Variants in PGM5 observed in about 807,000 individuals in gnomAD.
PGM5 encodes the protein phosphoglucomutase 5.
PGM5 carries 23 observed loss-of-function variants against 59.2 expected under a neutral mutation model. That is an observed-to-expected ratio of 0.39 (90% CI 0.28 to 0.55). The LOEUF is 0.55. PGM5 is among the 20% of genes least tolerant of loss of function. PGM5 has a pLI of 0.66. For synonymous variants in PGM5, 214 were observed against 286.0 expected (o/e 0.75, Z 2.54); for missense variants, 574 against 748.3 (o/e 0.77, Z 2.72).
chr9:68,491,750 C>G (rs1554687888), intron 9 of PGM5, among the ~76,000 whole-genome samples: 1 of 152,074 alleles, frequency 6.6e-6, no homozygotes, highest in African/African-American at 2.4e-5. Context: ...GCCTGTAGTC[C>G]CAGCTACTTG....
intron 4 of PGM5, among the ~76,000 whole-genome samples, chr9:68,389,196 G>A (rs2933521): frequency 2.6e-5 from 4 of 151,766 alleles, no homozygotes; most frequent in Non-Finnish European, 5.9e-5. Flanking sequence ...TTGTAAAAAC[G>A]CATCCTAGTT....
At chr9:68,472,972 A>G (rs1196973115) in intron 7 of PGM5, among the ~76,000 whole-genome samples, 1 of 152,190 alleles carries the variant, frequency 6.6e-6, no homozygotes, top group Non-Finnish European at 1.5e-5. Context: ...CATTAGGTAC[A>G]TTTAAGAATA....
intron 6 of PGM5, among the ~76,000 whole-genome samples, chr9:68,441,314 C>G (rs1399521123): frequency 1.3e-5 from 2 of 151,778 alleles, no homozygotes; most frequent in Non-Finnish European, 2.9e-5. Flanking sequence ...TAAAACTAGA[C>G]AAAGATAGAA....
chr9:68,389,420 C>T (rs1330989237), intron 4 of PGM5, among the ~76,000 whole-genome samples: 1 of 152,054 alleles, frequency 6.6e-6, no homozygotes, highest in African/African-American at 2.4e-5. Context: ...TATCCCCAGC[C>T]CCTGGCAACC....
intron 10 of PGM5, among the ~76,000 whole-genome samples, chr9:68,528,439 A>G (rs1825023470): frequency 6.6e-6 from 1 of 152,074 alleles, no homozygotes; most frequent in East Asian, 1.9e-4. Context: ...GATGCGGTCT[A>G]TGTTGTTCAG....
chr9:68,511,509 A>G (rs1213125662), intron 10 of PGM5, among the ~76,000 whole-genome samples: 2 of 147,598 alleles, frequency 1.4e-5, no homozygotes, highest in Admixed American at 1.4e-4. Flanking sequence ...TAAATGTTCA[A>G]TAAATGTTGA....
intron 6 of PGM5, among the ~76,000 whole-genome samples, chr9:68,461,307 C>T (rs1265214521): frequency 2.0e-5 from 3 of 152,150 alleles, no homozygotes; most frequent in African/African-American, 7.2e-5. Flanking sequence ...GTTCCATTGG[C>T]TAGAACTTGA....
chr9:68,429,042 G>A (rs1233481142), intron 6 of PGM5: 1 of 152,104 alleles, frequency 6.6e-6, no homozygotes, highest in Non-Finnish European at 1.5e-5. Flanking sequence ...AAATGATCTT[G>A]GTTTGGAGTC....
chr9:68,466,457 T>C (rs1554685827), intron 7 of PGM5: 1 of 185,950 alleles, frequency 5.4e-6, no homozygotes, highest in East Asian at 1.6e-4. Context: ...TTGGTTCAGC[T>C]GATTGCTTTA....
intron 10 of PGM5, among the ~76,000 whole-genome samples, chr9:68,509,856 A>G (rs1355158036): frequency 1.3e-5 from 2 of 152,158 alleles, no homozygotes; most frequent in Non-Finnish European, 2.9e-5. Context: ...GGTCTGAGAA[A>G]GGAAGTGTTT....
At chr9:68,453,313 C>A (rs1554684538) in intron 6 of PGM5, among the ~76,000 whole-genome samples, 1 of 152,118 alleles carries the variant, frequency 6.6e-6, no homozygotes, top group African/African-American at 2.4e-5. Context: ...ATTCATCCAC[C>A]ATCGCTTAAT....
At chr9:68,474,670 C>T (rs1554686519) in intron 7 of PGM5, among the ~76,000 whole-genome samples, 1 of 151,672 alleles carries the variant, frequency 6.6e-6, no homozygotes, top group African/African-American at 2.4e-5. Context: ...GGCTGCTTCT[C>T]AGGGCTGCTC....
intron 6 of PGM5, among the ~76,000 whole-genome samples, chr9:68,411,845 T>C (rs1822940750): frequency 1.3e-5 from 2 of 151,850 alleles, no homozygotes; most frequent in Admixed American, 6.6e-5. Context: ...AGCTTTCTTC[T>C]CTTAGATTAT....
chr9:68,504,714 T>C (rs1245083426), intron 10 of PGM5, among the ~76,000 whole-genome samples: 12 of 152,054 alleles, frequency 7.9e-5, no homozygotes, highest in Admixed American at 2.6e-4. Context: ...ATCATATATA[T>C]ATATATTTAT....
intron 1 of PGM5, among the ~76,000 whole-genome samples, chr9:68,369,060 TA>T (rs1834735270): frequency 1.3e-5 from 2 of 152,254 alleles, no homozygotes; most frequent in African/African-American, 4.8e-5. Context: ...ATGGTACATT[TA>T]AACAATGGAC....
chr9:68,444,387 T>C (rs1554683889), intron 6 of PGM5, among the ~76,000 whole-genome samples: 3 of 152,148 alleles, frequency 2.0e-5, no homozygotes, highest in South Asian at 2.1e-4. Context: ...GTAGAATTAT[T>C]GGGGTGCTAG....
At position 68,489,156 on chromosome 9, in the gene PGM5, G is replaced by A. The variant is rs369514396; in HGVS notation, c.1479+5108G>A. 3.0e-4 allele frequency among the ~76,000 whole-genome samples: 46 copies of A among 152,200 alleles called. 1 individual carries two copies. In the South Asian group the frequency reaches 7.7e-3, roughly 25 times the overall value. ...ATCTTTTCTCCATCTCTAACATGTG[G>A]CCTAAGTCCTGGAATCTCCACTCAG... On this transcript the variant is annotated intron_variant, in intron 9 of 10. Coordinates refer to ENST00000396396, the MANE Select transcript of PGM5 (RefSeq NM_021965.4).
At chr9:68,456,911 C>A (rs1286538627) in intron 6 of PGM5, among the ~76,000 whole-genome samples, 2 of 152,092 alleles carry the variant, frequency 1.3e-5, no homozygotes, top group African/African-American at 2.4e-5. Context: ...CAGGCGTGAG[C>A]CACTGTGCCC....
chr9:68,456,127 CAG>C (rs1236474873), intron 6 of PGM5, among the ~76,000 whole-genome samples: 4 of 152,052 alleles, frequency 2.6e-5, no homozygotes, highest in African/African-American at 9.7e-5. Flanking sequence ...GGAAAGATAC[CAG>C]AGAGGGGTTT....
Sources: gnomAD v4.1 joint callset for allele counts (sites outside exome capture counted in the v4.1 genomes callset) on GRCh38, gnomAD v4.1.1 for gene constraint, MANE v1.5 for transcripts, NCBI Gene and HGNC (gene_info 2026-07-23, HGNC 2026-07-21) for gene names.